SYNPO2: variants seen among roughly 807,000 people sequenced by gnomAD.
SYNPO2 encodes the protein synaptopodin 2.
SYNPO2 carries 56 observed loss-of-function variants against 85.0 expected under a neutral mutation model. The observed-to-expected ratio is 0.66, with a 90% confidence interval of 0.53 to 0.82. The LOEUF (loss-of-function observed/expected upper bound fraction) is 0.82, where lower values mean the gene tolerates loss of function less well. Among genes scored for constraint, SYNPO2 ranks in the 40% least tolerant of loss-of-function variants. The probability of loss-of-function intolerance (pLI) is 0.00; values close to 1 mark genes in which losing one functional copy is unlikely to be tolerated. For synonymous variants in SYNPO2, 602 were observed against 591.1 expected (o/e 1.02, Z -0.27); for missense variants, 1,575 against 1,534.2 (o/e 1.03, Z -0.44).
rs753135450 is a variant in SYNPO2, at chr4:119,057,606, A to G, written c.3458A>G (p.Gln1153Arg). The stretch of plus-strand genomic sequence containing the variant: ...GATGCTTTCCAACCCAGAAACATCC[A>G]GGAATCCATTGTGGCAAATGTGGTT... ...VDDAFQPRNI[Q>R]ESIVANVVSA... Residue 1153 changes from glutamine to arginine, a missense_variant, in exon 5 of 5, where the codon CAG becomes CGG. Coordinates refer to ENST00000307142, the MANE Select transcript of SYNPO2 (RefSeq NM_133477.3). The G allele has an allele frequency of 4.7e-5, 76 of 1,614,036 alleles. No homozygotes were observed. Among genetic ancestry groups the G allele is most frequent in the Non-Finnish European group, 6.1e-5 (72 of 1,180,040 alleles).
chr4:118,855,820 AG>A (rs1731495503), intron 1 of SYNPO2, among the ~76,000 whole-genome samples: 1 of 152,174 alleles, frequency 6.6e-6, no homozygotes, highest in Non-Finnish European at 1.5e-5. Context: ...ACTTACATAA[AG>A]CCCCCCAGAC....
At chr4:119,011,102 G>C (rs1001016460) in intron 1 of SYNPO2, among the ~76,000 whole-genome samples, 1 of 152,196 alleles carries the variant, frequency 6.6e-6, no homozygotes, top group Non-Finnish European at 1.5e-5. Flanking sequence ...CACTTACATG[G>C]ACACCAAGGG....
Position 119,032,031 on chromosome 4 carries a change from T to C in SYNPO2, c.3252+4T>C, listed in dbSNP as rs78841086. 3.0e-4 allele frequency: 483 copies of C among 1,613,820 alleles called. 2 individuals are homozygous for C. The East Asian group carries it at 7.2e-3, about 24-fold the overall frequency. Reference sequence around the variant, plus strand: ...GAAAAGTGGTGTCACAATTCAGGTGTGGAAACCATCTGTTGTGGAAGAGTA... The same window carrying C: ...GAAAAGTGGTGTCACAATTCAGGTGCGGAAACCATCTGTTGTGGAAGAGTA... On this transcript the variant is annotated splice_donor_region_variant and intron_variant, in intron 4 of 4. Coordinates refer to ENST00000307142, the MANE Select transcript of SYNPO2 (RefSeq NM_133477.3).
chr4:118,957,382 G>C (rs1326422512), intron 1 of SYNPO2, among the ~76,000 whole-genome samples: 1 of 152,204 alleles, frequency 6.6e-6, no homozygotes, highest in African/African-American at 2.4e-5. Flanking sequence ...TCTTTGGCCA[G>C]TATGACCTAC....
chr4:118,978,975 A>G (rs1199240341), intron 1 of SYNPO2, among the ~76,000 whole-genome samples: 1 of 152,178 alleles, frequency 6.6e-6, no homozygotes, highest in Non-Finnish European at 1.5e-5. Context: ...GCATTCTTAC[A>G]TCATTTCTGA....
intron 1 of SYNPO2, among the ~76,000 whole-genome samples, chr4:119,013,731 G>C (rs1295375962): frequency 6.6e-6 from 1 of 152,200 alleles, no homozygotes; most frequent in Admixed American, 6.5e-5. Context: ...ATTGTATAAT[G>C]AAATGTGTCA....
At chr4:119,037,421 T>A in intron 4 of SYNPO2, 3 of 1,161,264 alleles carry the variant, frequency 2.6e-6, no homozygotes, top group Non-Finnish European at 3.2e-6. Flanking sequence ...AACAGAAAAA[T>A]GTTCTTCTTG....
At chr4:118,876,539 T>C (rs1394713791) in intron 1 of SYNPO2, among the ~76,000 whole-genome samples, 1 of 152,188 alleles carries the variant, frequency 6.6e-6, no homozygotes, top group Non-Finnish European at 1.5e-5. Flanking sequence ...TTGTGGCTCA[T>C]AGGTAGGTCA....
intron 1 of SYNPO2, among the ~76,000 whole-genome samples, chr4:119,022,742 GTTT>G (rs1560989802): frequency 6.2e-5 from 5 of 80,312 alleles, no homozygotes; most frequent in Non-Finnish European, 8.4e-5. Flanking sequence ...TTTATTTTAT[GTTT>G]TATTTTATTT....
At chr4:119,051,196 T>TTTTTTG (rs1739029858) in intron 4 of SYNPO2, among the ~76,000 whole-genome samples, 1 of 138,020 alleles carries the variant, frequency 7.2e-6, no homozygotes, top group Non-Finnish European at 1.6e-5. Flanking sequence ...ATTTTTTTTT[T>TTTTTTG]TTTTTTTTTT....
chr4:118,895,134 T>C (rs903510360), intron 1 of SYNPO2, among the ~76,000 whole-genome samples: 1 of 152,214 alleles, frequency 6.6e-6, no homozygotes, highest in Non-Finnish European at 1.5e-5. Context: ...TAGTAACATT[T>C]TGGGCAGATC....
chr4:118,919,262 T>TC (rs35130154), intron 1 of SYNPO2, among the ~76,000 whole-genome samples: 126,964 of 152,066 alleles, frequency 0.83, 53,314 homozygotes, highest in Middle Eastern at 0.94. Flanking sequence ...GGATTGAGCC[T>TC]CCCTGTCTCT....
At chr4:118,870,748 G>A (rs1039292535) in intron 1 of SYNPO2, among the ~76,000 whole-genome samples, 1 of 152,136 alleles carries the variant, frequency 6.6e-6, no homozygotes, top group Non-Finnish European at 1.5e-5. Context: ...AGGGGGTATG[G>A]GGGAGGGAGA....
At chr4:118,927,807 T>TA (rs1225142357) in intron 1 of SYNPO2, among the ~76,000 whole-genome samples, 20 of 151,764 alleles carry the variant, frequency 1.3e-4, no homozygotes, top group South Asian at 2.1e-4. Context: ...GATAGATAGA[T>TA]ATCATTTGAA....
chr4:119,055,034 T>A (rs1739168283), intron 4 of SYNPO2, among the ~76,000 whole-genome samples: 1 of 152,264 alleles, frequency 6.6e-6, no homozygotes, highest in Non-Finnish European at 1.5e-5. Flanking sequence ...TTTCTCTTTA[T>A]CACACTGAGT....
intron 1 of SYNPO2, among the ~76,000 whole-genome samples, chr4:119,022,705 TTA>T (rs1368370450): frequency 0.014 from 1,626 of 113,958 alleles, 35 homozygotes; most frequent in African/African-American, 0.046. Context: ...TTATTTTATT[TTA>T]TATTTTATTT....
intron 1 of SYNPO2, among the ~76,000 whole-genome samples, chr4:118,932,524 T>C (rs1256290634): frequency 6.6e-6 from 1 of 152,206 alleles, no homozygotes; most frequent in African/African-American, 2.4e-5. Flanking sequence ...TGATTTACAT[T>C]GGCCAACAAA....
At chr4:118,869,580 A>G (rs1731764881) in intron 1 of SYNPO2, among the ~76,000 whole-genome samples, 1 of 152,334 alleles carries the variant, frequency 6.6e-6, no homozygotes, top group Admixed American at 6.5e-5. Flanking sequence ...CCTGGGGCCT[A>G]TAGAATTGGT....
intron 4 of SYNPO2, among the ~76,000 whole-genome samples, chr4:119,052,062 A>G (rs1190924683): frequency 6.6e-6 from 1 of 152,212 alleles, no homozygotes; most frequent in Non-Finnish European, 1.5e-5. Flanking sequence ...AGAGAACTTC[A>G]TGGGAGATAC....
Sources: gnomAD v4.1 joint callset for allele counts (sites outside exome capture counted in the v4.1 genomes callset) on GRCh38, gnomAD v4.1.1 for gene constraint, MANE v1.5 for transcripts, NCBI Gene and HGNC (gene_info 2026-07-23, HGNC 2026-07-21) for gene names.